The following MED23 variants were observed in gnomAD, a reference collection of about 807,000 sequenced individuals.
MED23 encodes mediator of RNA polymerase II transcription subunit 23.
Under a neutral mutation model 163.9 loss-of-function variants are expected in MED23, and 105 were observed. The observed-to-expected ratio is 0.64, with a 90% CI of 0.55 to 0.75. The LOEUF (loss-of-function observed/expected upper bound fraction) is 0.75. Among genes scored for constraint, MED23 ranks in the 30% least tolerant of loss-of-function variants. The pLI, the probability that MED23 is intolerant of heterozygous loss-of-function variation, is 0.00. For synonymous variants in MED23, 561 were observed against 565.6 expected, an observed-to-expected ratio of 0.99 and a Z score of 0.12; for missense variants, 1,054 against 1,649.0, an observed-to-expected ratio of 0.64 and a Z score of 6.25.
In MED23 at chr6:131,628,218, A is replaced by C; in HGVS notation, c.-169T>G. The C allele has an allele frequency of 1.4e-6, 1 of 737,598 alleles. No homozygotes were observed. Among genetic ancestry groups the C allele is most frequent in the Non-Finnish European group, 2.3e-6 (1 of 426,038 alleles). The allele number at this position is 737,598 out of a possible 1,614,324, so 45.7% of individuals were successfully genotyped here. ...GGAGCGTTCCCTCCCGAGCCCAGCC[A>C]ACAGCAGGAACCTGTACGGAAGACG... On this transcript the variant is annotated 5_prime_UTR_variant, in exon 1 of 29. Coordinates refer to ENST00000368068, the MANE Select transcript of MED23 (RefSeq NM_004830.4).
intron 10 of MED23, among the ~76,000 whole-genome samples, chr6:131,612,056 G>A (rs1776315433): frequency 1.3e-5 from 2 of 151,980 alleles, no homozygotes; most frequent in African/African-American, 4.8e-5. Context: ...TAAAGCTGAT[G>A]GTCTTTCAAT....
chr6:131,616,360 C>T (rs1776690414), intron 9 of MED23, among the ~76,000 whole-genome samples: 1 of 152,172 alleles, frequency 6.6e-6, no homozygotes, highest in African/African-American at 2.4e-5. Flanking sequence ...TCACTAATGT[C>T]AATTTATATA....
rs1777662269 is a variant in MED23 at position 131,628,180 on chromosome 6, C to T, written c.-131G>A. 3 of 1,058,666 alleles carry T rather than the reference C, an allele frequency of 2.8e-6. No individual in the cohort carries two copies. In the South Asian group the frequency reaches 3.8e-5, roughly 14 times the overall value. The allele number at this position is 1,058,666 out of a possible 1,614,324, so 65.6% of individuals were successfully genotyped here. On this transcript the variant is annotated 5_prime_UTR_variant, in exon 1 of 29. Transcript: ENST00000368068. ...AGCTCCTCGGCGTCGCTTCCTCCCC[C>T]AGCGCTTTACCTGGAGCGTTCCCTC...
chr6:131,593,972 T>C (rs1347162047), intron 23 of MED23, 127 bp downstream of exon 23: 3 of 730,488 alleles, frequency 4.1e-6, no homozygotes, highest in Non-Finnish European at 6.7e-6. Context: ...GAGATGAAAA[T>C]GGAAGTGATC....
Position 131,596,335 on chromosome 6 carries a change from G to A in MED23, c.2779-172C>T, listed in dbSNP as rs1245212858. ...AGTCCTTATGTCCACTAAAACTGCA[G>A]TTTCAATTTATTCTCAACATTATAG... is the stretch of plus-strand genomic sequence containing the variant. On this transcript the variant is annotated intron_variant, in intron 21 of 28. Transcript: ENST00000368068. 1.5e-5 allele frequency: 13 copies of A among 872,246 alleles called. 1 individual carries two copies. In the African/African-American group the frequency reaches 2.1e-4, roughly 14 times the overall value. The allele number at this position is 872,246 out of a possible 1,614,324, so 54.0% of individuals were successfully genotyped here.
chr6:131,593,261 G>A (rs1036247604), intron 23 of MED23, 90 bp from the exon 24 acceptor site: 25 of 1,505,718 alleles, frequency 1.7e-5, no homozygotes, highest in Non-Finnish European at 2.1e-5. Context: ...ATTTGTCTAC[G>A]CTTAGAGAGA....
chr6:131,623,484 T>C (rs1777259957), intron 4 of MED23, 22 bp from the exon 5 acceptor site: 2 of 1,596,112 alleles, frequency 1.3e-6, no homozygotes, highest in Admixed American at 3.3e-5. Flanking sequence ...GAAATAGCCA[T>C]TCCAGTTACA....
intron 30 of MED23, chr6:131,581,528 T>A (rs1773925823): frequency 1.1e-6 from 1 of 912,988 alleles, no homozygotes; most frequent in Non-Finnish European, 1.7e-6. Flanking sequence ...GGTTGGTTGA[T>A]AAAAGGCAGT....
chr6:131,600,778 G>A (rs1445986753), intron 17 of MED23, among the ~76,000 whole-genome samples: 7 of 152,154 alleles, frequency 4.6e-5, no homozygotes, highest in Admixed American at 1.3e-4. Flanking sequence ...GAGCACTGAC[G>A]GTACAAAAGC....
chr6:131,599,118 C>T (rs1409458192), intron 18 of MED23, among the ~76,000 whole-genome samples: 3 of 152,170 alleles, frequency 2.0e-5, no homozygotes, highest in Non-Finnish European at 2.9e-5. Flanking sequence ...ATTGCACTAG[C>T]CCAGTGATTC....
At chr6:131,577,688 G>C (rs1409205091) in intron 30 of MED23, among the ~76,000 whole-genome samples, 1 of 151,856 alleles carries the variant, frequency 6.6e-6, no homozygotes, top group Non-Finnish European at 1.5e-5. Context: ...GACTGTCTGA[G>C]CTCAGGAGTT....
At chr6:131,579,324 A>C in intron 30 of MED23, 1 of 1,607,496 alleles carries the variant, frequency 6.2e-7, no homozygotes, top group Non-Finnish European at 8.5e-7. Flanking sequence ...ATCTGGCACA[A>C]AGGAAGTAAC....
chr6:131,625,080 A>G (rs2114782825), intron 3 of MED23, 91 bp from the exon 4 acceptor site: 1 of 1,347,978 alleles, frequency 7.4e-7, no homozygotes, highest in East Asian at 2.3e-5. Flanking sequence ...TACCAATACT[A>G]TGAAAGAAAT....
rs1037482297 is a variant in MED23 at position 131,580,607 on chromosome 6, C to T, written c.4096-6312G>A. Among the ~76,000 whole-genome samples, 1 of 152,262 alleles carries T rather than the reference C, an allele frequency of 6.6e-6. No individual in the cohort carries two copies. Among genetic ancestry groups the T allele is most frequent in the South Asian group, 2.1e-4 (1 of 4,826 alleles). ...TATGTCTTCCATTCCAGCAAAATGT[C>T]TGGAGCTTGAAGTATTTGGGATGAA... On this transcript the variant is annotated intron_variant, in intron 30 of 30. Coordinates refer to the MED23 transcript ENST00000354577.
intron 10 of MED23, among the ~76,000 whole-genome samples, chr6:131,611,687 T>C (rs1456905991): frequency 2.0e-5 from 3 of 152,116 alleles, no homozygotes; most frequent in Non-Finnish European, 4.4e-5. Flanking sequence ...ATTCAAAGTA[T>C]ACAGAGTCAG....
At chr6:131,612,697 G>C (rs1351276143) in intron 10 of MED23, among the ~76,000 whole-genome samples, 2 of 151,948 alleles carry the variant, frequency 1.3e-5, no homozygotes, top group Non-Finnish European at 2.9e-5. Flanking sequence ...CTACCTAGTA[G>C]CCCAAACTAT....
intron 18 of MED23, among the ~76,000 whole-genome samples, chr6:131,599,827 T>C (rs1437794857): frequency 1.3e-5 from 2 of 151,954 alleles, no homozygotes; most frequent in African/African-American, 2.4e-5. Flanking sequence ...CTTGTGAACC[T>C]GAATTCCTGG....
At position 131,596,266 on chromosome 6, in the gene MED23, ACATTT is replaced by A. The variant is rs1024920848; in HGVS notation, c.2779-108_2779-104del. Reference sequence around the variant, plus strand: ...TGTTTAGATTTTTTTTTGCAAGGAAACATTTAAAATTATACTTGATTATACTTTAC... The same window carrying A: ...TGTTTAGATTTTTTTTTGCAAGGAAAAAAATTATACTTGATTATACTTTAC... On this transcript the variant is annotated intron_variant, in intron 21 of 28. Coordinates refer to ENST00000368068, the MANE Select transcript of MED23 (RefSeq NM_004830.4). 5 of 1,117,932 alleles carry A rather than the reference ACATTT, an allele frequency of 4.5e-6. No individual in the cohort carries two copies. The African/African-American group carries it at 7.8e-5, about 17-fold the overall frequency. 69.3% of individuals were successfully genotyped at this position (1,117,932 alleles called of 1,614,324 possible). A position where few individuals can be genotyped will look rare whatever the true frequency, so the allele number is the denominator to read the frequency against.
At chr6:131,575,976 T>C (rs1325658766) in intron 30 of MED23, among the ~76,000 whole-genome samples, 1 of 152,212 alleles carries the variant, frequency 6.6e-6, no homozygotes, top group African/African-American at 2.4e-5. Context: ...TGTGAGTACA[T>C]GCACGTAGGT....
Sources: gnomAD v4.1 joint callset for allele counts (sites outside exome capture counted in the v4.1 genomes callset) on GRCh38, gnomAD v4.1.1 for gene constraint, MANE v1.5 for transcripts, NCBI Gene and HGNC (gene_info 2026-07-23, HGNC 2026-07-21) for gene names.